Variants in TENM3 observed in about 807,000 individuals in gnomAD.
TENM3 encodes the protein teneurin-3.
In TENM3, 63 loss-of-function variants were observed where a neutral mutation model predicts 255.1. The ratio of observed to expected loss-of-function variants is 0.25; its 90% CI spans 0.20 to 0.30. The LOEUF (loss-of-function observed/expected upper bound fraction) is 0.30, where lower values mean the gene tolerates loss of function less well. TENM3 is among the 10% of genes least tolerant of loss of function. TENM3 has a pLI of 1.00. For missense variants in TENM3, 2,929 were observed against 3,461.1 expected (o/e 0.85, Z 3.86); for synonymous variants, 1,306 against 1,322.3 (o/e 0.99, Z 0.27).
intron 4 of TENM3, among the ~76,000 whole-genome samples, chr4:182,623,979 C>T (rs538457013): frequency 8.5e-5 from 13 of 152,116 alleles, no homozygotes; most frequent in Non-Finnish European, 1.8e-4. Flanking sequence ...ATGCTTCATG[C>T]GTTTATTTCT....
At chr4:181,909,493 C>A in the TENM3 span, among the ~76,000 whole-genome samples, 2 of 152,084 alleles carry the variant, frequency 1.3e-5, no homozygotes, top group African/African-American at 2.4e-5. Context: ...TAAGTCCGGC[C>A]GCCTCACCCA....
intron 17 of TENM3, 130 bp downstream of exon 17, chr4:182,737,205 T>G: frequency 1.0e-6 from 1 of 988,712 alleles, no homozygotes; most frequent in Non-Finnish European, 1.5e-6. Context: ...CTAGGGATAT[T>G]ATACCTTGGC....
At chr4:182,154,468 C>A (rs1320258874) in intron 1 of TENM3, among the ~76,000 whole-genome samples, 1 of 152,066 alleles carries the variant, frequency 6.6e-6, no homozygotes, top group African/African-American at 2.4e-5. Context: ...TTTCCTAAAT[C>A]TAATATTTAT....
At chr4:181,652,182 T>C in the TENM3 span, among the ~76,000 whole-genome samples, 1 of 150,788 alleles carries the variant, frequency 6.6e-6, no homozygotes, top group African/African-American at 2.4e-5. Flanking sequence ...CAGGCTGTTG[T>C]AGTCTTCCAT....
At chr4:182,101,680 A>G in the TENM3 span, among the ~76,000 whole-genome samples, 7 of 152,176 alleles carry the variant, frequency 4.6e-5, no homozygotes, top group African/African-American at 1.7e-4. Context: ...GACAGGAGGA[A>G]TCCGTTTTCA....
the TENM3 span, among the ~76,000 whole-genome samples, chr4:181,695,732 G>A: frequency 6.6e-6 from 1 of 152,152 alleles, no homozygotes; most frequent in Non-Finnish European, 1.5e-5. Flanking sequence ...ATTATTTTAT[G>A]TTAACAAAGT....
the TENM3 span, among the ~76,000 whole-genome samples, chr4:182,052,594 C>T: frequency 6.6e-6 from 1 of 152,192 alleles, no homozygotes; most frequent in African/African-American, 2.4e-5. Flanking sequence ...AGTGCTTTCA[C>T]TCAGCTCTTC....
intron 6 of TENM3, among the ~76,000 whole-genome samples, chr4:182,657,812 C>A (rs1025614010): frequency 6.6e-6 from 1 of 152,100 alleles, no homozygotes; most frequent in Non-Finnish European, 1.5e-5. Context: ...GCACATGTCA[C>A]CATGCCTGGC....
chr4:182,372,764 T>C (rs747973397), intron 3 of TENM3, among the ~76,000 whole-genome samples: 4 of 152,262 alleles, frequency 2.6e-5, no homozygotes, highest in African/African-American at 4.8e-5. Context: ...AGTCTCGCTC[T>C]GTCACTCAAG....
At chr4:181,504,722 C>T in the TENM3 span, among the ~76,000 whole-genome samples, 2 of 152,194 alleles carry the variant, frequency 1.3e-5, no homozygotes, top group African/African-American at 4.8e-5. Context: ...AATGGCAACG[C>T]ACTTACCTTG....
At chr4:182,539,853 A>G (rs1438625128) in intron 3 of TENM3, among the ~76,000 whole-genome samples, 1 of 152,164 alleles carries the variant, frequency 6.6e-6, no homozygotes, top group Non-Finnish European at 1.5e-5. Flanking sequence ...TGGCCATGTT[A>G]AGTTTGAGCT....
At chr4:181,883,088 G>A in the TENM3 span, among the ~76,000 whole-genome samples, 1 of 133,628 alleles carries the variant, frequency 7.5e-6, no homozygotes, top group Non-Finnish European at 1.6e-5. Flanking sequence ...TTCAGAAGCA[G>A]TTGTGCTTAT....
chr4:182,021,876 A>C, the TENM3 span, among the ~76,000 whole-genome samples: 108 of 152,342 alleles, frequency 7.1e-4, no homozygotes, highest in Non-Finnish European at 1.2e-3. Flanking sequence ...TCCAGTTATT[A>C]AAAGTCAAAA....
chr4:182,608,912 A>G (rs746103527), intron 4 of TENM3, among the ~76,000 whole-genome samples: 1 of 152,140 alleles, frequency 6.6e-6, no homozygotes, highest in African/African-American at 2.4e-5. Context: ...CGGCTTCCCT[A>G]TGGCACTCGG....
chr4:181,673,904 G>T, the TENM3 span, among the ~76,000 whole-genome samples: 5 of 149,588 alleles, frequency 3.3e-5, no homozygotes, highest in African/African-American at 7.4e-5. Flanking sequence ...TAGAATTATG[G>T]CAAAGAGGCC....
At chr4:182,263,798 G>A (rs550610181) in intron 1 of TENM3, among the ~76,000 whole-genome samples, 5 of 152,286 alleles carry the variant, frequency 3.3e-5, no homozygotes, top group Non-Finnish European at 7.4e-5. Flanking sequence ...AAACTCTTAA[G>A]TCAGAGGTTG....
the TENM3 span, among the ~76,000 whole-genome samples, chr4:181,979,641 T>A: frequency 6.6e-6 from 1 of 152,228 alleles, no homozygotes; most frequent in African/African-American, 2.4e-5. Context: ...GGGACCAGTG[T>A]TGTTTGTCAG....
chr4:182,346,807 A>G lies in TENM3; in HGVS notation c.389A>G (p.His130Arg). 6.2e-7 allele frequency: 1 copy of G among 1,613,520 alleles called. No individual in the cohort carries two copies. Among genetic ancestry groups the G allele is most frequent in the Non-Finnish European group, 8.5e-7 (1 of 1,179,718 alleles). The change falls in exon 3 of 28, where the codon CAT (histidine) becomes CGT (arginine). Residue 130 changes from histidine (H) to arginine (R), a missense_variant. Around this residue, in one of 6 missense-constraint regions of TENM3, gnomAD observed 283 missense variants for 256.9 expected, o/e 1.10. Coordinates refer to ENST00000511685, the MANE Select transcript of TENM3 (RefSeq NM_001080477.4). ...TENEAVMSPE[H>R]AMRLWGRGVK... ...AATGAAGCAGTGATGTCCCCAGAGCATGCCATGAGACTTTGGGGCAGGGGG... is the reference window on the plus strand; with the variant it reads ...AATGAAGCAGTGATGTCCCCAGAGCGTGCCATGAGACTTTGGGGCAGGGGG...
intron 3 of TENM3, among the ~76,000 whole-genome samples, chr4:182,431,655 C>T (rs1018218210): frequency 1.7e-4 from 26 of 152,156 alleles, no homozygotes; most frequent in African/African-American, 5.6e-4. Flanking sequence ...AACTGAGACA[C>T]TAGGGACACG....
Sources: allele counts gnomAD v4.1 joint callset (sites outside exome capture counted in the v4.1 genomes callset), GRCh38; gene constraint gnomAD v4.1.1; regional missense constraint gnomAD v4.1.1; transcripts MANE v1.5; gene names NCBI Gene and HGNC (gene_info 2026-07-23, HGNC 2026-07-21).